Variants in GPC5 observed in about 807,000 individuals in gnomAD.
GPC5 encodes glypican 5, also known as glypican-5.
In GPC5, 47 loss-of-function variants were observed where a neutral mutation model predicts 53.9. The observed-to-expected ratio is 0.87, with a 90% CI of 0.69 to 1.11. The LOEUF is 1.11. Among genes scored for constraint, GPC5 ranks in the 50% most tolerant of loss-of-function variants. GPC5 has a pLI of 0.00. For missense variants in GPC5, 748 were observed against 713.1 expected (o/e 1.05, Z -0.56); for synonymous variants, 286 against 263.3 (o/e 1.09, Z -0.84).
At chr13:91,432,531 C>T (rs2139029728) in intron 1 of GPC5, among the ~76,000 whole-genome samples, 1 of 152,210 alleles carries the variant, frequency 6.6e-6, no homozygotes, top group South Asian at 2.1e-4. Flanking sequence ...ATATGAGGGG[C>T]AGTATTAGCT....
At chr13:92,284,490 C>A (rs1442635627) in intron 7 of GPC5, among the ~76,000 whole-genome samples, 2 of 152,140 alleles carry the variant, frequency 1.3e-5, no homozygotes, top group African/African-American at 2.4e-5. Flanking sequence ...CAAAAATCCT[C>A]AATAAAATGC....
intron 7 of GPC5, among the ~76,000 whole-genome samples, chr13:92,628,123 A>C: frequency 6.6e-6 from 1 of 152,118 alleles, no homozygotes; most frequent in African/African-American, 2.4e-5. Flanking sequence ...AGATCCAGCC[A>C]CAGGAATTAG....
intron 3 of GPC5, among the ~76,000 whole-genome samples, chr13:91,716,839 C>A (rs1358768010): frequency 6.6e-6 from 1 of 152,178 alleles, no homozygotes; most frequent in East Asian, 1.9e-4. Flanking sequence ...TAAATCGTCT[C>A]CTGCATTGTC....
chr13:91,936,740 A>AATAG (rs66482238), intron 6 of GPC5, among the ~76,000 whole-genome samples: 74,096 of 151,122 alleles, frequency 0.49, 18,668 homozygotes, highest in East Asian at 0.74. Context: ...TTTCTAAGAA[A>AATAG]ATAGATAGAA....
chr13:92,228,944 G>A (rs1369756597), intron 7 of GPC5, among the ~76,000 whole-genome samples: 1 of 151,694 alleles, frequency 6.6e-6, no homozygotes, highest in Non-Finnish European at 1.5e-5. Flanking sequence ...TAATACATTT[G>A]GAAAAAATAA....
intron 6 of GPC5, among the ~76,000 whole-genome samples, chr13:92,116,411 CT>C (rs2041602260): frequency 6.6e-6 from 1 of 152,190 alleles, no homozygotes; most frequent in Non-Finnish European, 1.5e-5. Flanking sequence ...AACTTCTAGC[CT>C]CCAGAGAAAA....
intron 7 of GPC5, among the ~76,000 whole-genome samples, chr13:92,559,214 A>G (rs1882607147): frequency 1.3e-5 from 2 of 151,866 alleles, no homozygotes; most frequent in Non-Finnish European, 2.9e-5. Flanking sequence ...GATTGAATGG[A>G]AAAGCATAAA....
intron 6 of GPC5, among the ~76,000 whole-genome samples, chr13:92,031,695 TA>T (rs1427406864): frequency 1.0e-5 from 1 of 96,182 alleles, no homozygotes; most frequent in Non-Finnish European, 2.0e-5. Flanking sequence ...ATAGTATATA[TA>T]ATATATTATA....
chr13:92,739,096 T>C (rs1889019030), intron 7 of GPC5, among the ~76,000 whole-genome samples: 1 of 152,090 alleles, frequency 6.6e-6, no homozygotes, highest in Non-Finnish European at 1.5e-5. Context: ...CCTCATAAAA[T>C]GGGAATTGGC....
At chr13:91,985,467 T>C (rs999705093) in intron 6 of GPC5, among the ~76,000 whole-genome samples, 1 of 152,070 alleles carries the variant, frequency 6.6e-6, no homozygotes, top group African/African-American at 2.4e-5. Flanking sequence ...TTAAAGTCTA[T>C]CATCTTTCTA....
Position 92,374,277 on chromosome 13 carries a change from T to A in GPC5, c.1561+229288T>A, listed in dbSNP as rs553139497. Among the ~76,000 whole-genome samples the A allele has an allele frequency of 7.9e-5, 12 of 152,280 alleles. 1 individual carries two copies. The Middle Eastern group carries it at 0.01, about 129-fold the overall frequency. ...ATATCACACCTTGAATTGGATGAGA[T>A]TTAATAAAATGAGCTCTCTTACCCT... On this transcript the variant is annotated intron_variant, in intron 7 of 7. Transcript: ENST00000377067.
At chr13:92,517,910 A>G (rs1175225560) in intron 7 of GPC5, among the ~76,000 whole-genome samples, 1 of 152,192 alleles carries the variant, frequency 6.6e-6, no homozygotes, top group Non-Finnish European at 1.5e-5. Context: ...ACCCAATGCA[A>G]AGAAGTTAAA....
At chr13:92,019,566 G>C (rs2040738406) in intron 6 of GPC5, among the ~76,000 whole-genome samples, 1 of 151,994 alleles carries the variant, frequency 6.6e-6, no homozygotes, top group Admixed American at 6.6e-5. Flanking sequence ...GTGTCTAAGT[G>C]GTGATTCAGC....
At chr13:92,552,344 A>G (rs1044458230) in intron 7 of GPC5, among the ~76,000 whole-genome samples, 4 of 151,942 alleles carry the variant, frequency 2.6e-5, no homozygotes, top group Non-Finnish European at 4.4e-5. Flanking sequence ...AGAAAAAAGA[A>G]AAAGAAGAAC....
intron 3 of GPC5, among the ~76,000 whole-genome samples, chr13:91,720,878 C>T (rs2036448503): frequency 6.6e-6 from 1 of 152,030 alleles, no homozygotes; most frequent in Non-Finnish European, 1.5e-5. Flanking sequence ...CTGCTGTCTC[C>T]TCCTTCAATA....
rs528387880 is a variant in GPC5, at chr13:91,970,314, A to G, written c.1401+62257A>G. 2.5e-3 allele frequency among the ~76,000 whole-genome samples: 379 copies of G among 152,264 alleles called. 3 individuals are homozygous for G. Among genetic ancestry groups the G allele is most frequent in the African/African-American group, 8.8e-3 (367 of 41,558 alleles). On this transcript the variant is annotated intron_variant, in intron 6 of 7. Coordinates refer to ENST00000377067, the MANE Select transcript of GPC5 (RefSeq NM_004466.6). ...GAATGGGGAATGGGGAGATATTGGC[A>G]AAAAGATACAAACCCTCAGTTATAA...
At chr13:92,055,545 G>A (rs2041067655) in intron 6 of GPC5, among the ~76,000 whole-genome samples, 1 of 152,098 alleles carries the variant, frequency 6.6e-6, no homozygotes, top group Non-Finnish European at 1.5e-5. Flanking sequence ...CCAAATAGAA[G>A]TCCTTGAGAT....
intron 5 of GPC5, among the ~76,000 whole-genome samples, chr13:91,812,630 A>G (rs1467933623): frequency 1.3e-5 from 2 of 152,072 alleles, no homozygotes; most frequent in Non-Finnish European, 2.9e-5. Flanking sequence ...GTACATATTC[A>G]TTTTTGTTTG....
chr13:92,011,679 T>G (rs2040662932), intron 6 of GPC5, among the ~76,000 whole-genome samples: 1 of 152,214 alleles, frequency 6.6e-6, no homozygotes, highest in Non-Finnish European at 1.5e-5. Flanking sequence ...TTTGCAAGAC[T>G]GTTCCTTATC....
Sources: allele counts gnomAD v4.1 joint callset (sites outside exome capture counted in the v4.1 genomes callset), GRCh38; gene constraint gnomAD v4.1.1; transcripts MANE v1.5; gene names NCBI Gene and HGNC (gene_info 2026-07-23, HGNC 2026-07-21).